PLCE1: variants seen among roughly 807,000 people sequenced by gnomAD.
PLCE1 encodes phospholipase C epsilon 1, also known as 1-phosphatidylinositol 4,5-bisphosphate phosphodiesterase epsilon-1.
In PLCE1, 119 loss-of-function variants were observed where a neutral mutation model predicts 242.8. The observed-to-expected ratio is 0.49, with a 90% CI of 0.42 to 0.57. The LOEUF is 0.57. PLCE1 is among the 20% of genes least tolerant of loss of function. PLCE1 has a pLI of 0.00. For missense variants in PLCE1, 2,441 were observed against 2,788.8 expected, an observed-to-expected ratio of 0.88 and a Z score of 2.81; for synonymous variants, 945 against 1,017.4, an observed-to-expected ratio of 0.93 and a Z score of 1.35.
intron 22 of PLCE1, 110 bp from the exon 23 acceptor site, chr10:94,293,398 A>G: frequency 1.7e-6 from 2 of 1,205,374 alleles, no homozygotes; most frequent in Middle Eastern, 2.0e-4. Context: ...TTTCTGTACT[A>G]GGTTCCAAGG....
intron 2 of PLCE1, chr10:94,089,211 C>T (rs753587425): frequency 6.2e-7 from 1 of 1,614,046 alleles, no homozygotes; most frequent in Non-Finnish European, 8.5e-7. Context: ...GGTTTCTGTG[C>T]AGCCTCTTAG....
intron 4 of PLCE1, among the ~76,000 whole-genome samples, chr10:94,185,312 G>A (rs2048439146): frequency 6.6e-6 from 1 of 152,172 alleles, no homozygotes; most frequent in Non-Finnish European, 1.5e-5. Flanking sequence ...CTGGCTAATA[G>A]GGTGAAACCC....
chr10:94,077,396 T>G (rs981954587), intron 2 of PLCE1, among the ~76,000 whole-genome samples: 1 of 152,232 alleles, frequency 6.6e-6, no homozygotes, highest in Non-Finnish European at 1.5e-5. Flanking sequence ...CTAGGTAACC[T>G]CATTCTTTGC....
chr10:94,014,652 C>T (rs2061243015), intron 1 of PLCE1, among the ~76,000 whole-genome samples: 1 of 152,194 alleles, frequency 6.6e-6, no homozygotes, highest in South Asian at 2.1e-4. Flanking sequence ...AACTTCCTGC[C>T]ATTTTTAAAG....
intron 2 of PLCE1, among the ~76,000 whole-genome samples, chr10:94,114,279 A>G (rs1355230107): frequency 3.3e-5 from 5 of 152,146 alleles, no homozygotes; most frequent in Non-Finnish European, 7.4e-5. Flanking sequence ...AGTGGAGCAA[A>G]TTGGGCTCCC....
intron 3 of PLCE1, among the ~76,000 whole-genome samples, chr10:94,162,962 G>T (rs1230764304): frequency 1.3e-5 from 2 of 152,130 alleles, no homozygotes; most frequent in Non-Finnish European, 2.9e-5. Flanking sequence ...GTAGTTGAGT[G>T]GTTTTGAGTG....
At chr10:93,995,230 A>C (rs2060798283) in intron 1 of PLCE1, among the ~76,000 whole-genome samples, 1 of 152,182 alleles carries the variant, frequency 6.6e-6, no homozygotes, top group Admixed American at 6.5e-5. Flanking sequence ...GACTATCTCT[A>C]GGTTATTGTA....
chr10:94,192,195 A>C (rs1478722660), intron 4 of PLCE1, among the ~76,000 whole-genome samples: 1 of 152,106 alleles, frequency 6.6e-6, no homozygotes, highest in African/African-American at 2.4e-5. Context: ...TATAATTTCA[A>C]CTTTTATTTT....
chr10:94,161,665 T>C (rs2047618218), intron 3 of PLCE1, among the ~76,000 whole-genome samples: 1 of 152,216 alleles, frequency 6.6e-6, no homozygotes, highest in Non-Finnish European at 1.5e-5. Context: ...CCTGTCTGAT[T>C]ACCCTGGCCA....
At position 94,246,178 on chromosome 10, in the gene PLCE1, C is replaced by T; in HGVS notation, c.2653C>T (p.Gln885Ter). 6.2e-7 allele frequency: 1 copy of T among 1,614,154 alleles called. No homozygotes were observed. The highest frequency in any genetic ancestry group is 8.5e-7 in the Non-Finnish European group (1 of 1,180,008). The change falls in exon 8 of 33, where the codon CAG becomes TAG. Residue 885 changes from glutamine to a stop codon, truncating the protein, a stop_gained. Coordinates refer to ENST00000371380, the MANE Select transcript of PLCE1 (RefSeq NM_016341.4). LOFTEE classifies it high-confidence loss of function. ...CTCTGCCCGCTGCTTCCTCCAGCTT[C>T]AGCCCGACAATAGCACCTTGACCTG... ...HLSARCFLQL[Q>*]PDNSTLTWVK...
chr10:94,331,062 G>A lies in PLCE1; in HGVS notation c.*3119G>A, dbSNP rs551848496. On this transcript the variant is annotated 3_prime_UTR_variant, in exon 33 of 33. Coordinates refer to ENST00000371380, the MANE Select transcript of PLCE1 (RefSeq NM_016341.4). ...AATCTGTAGGAATGATCCTATCTGG[G>A]TAGAAAGTGCCCTTTGAGGGGTAAA... The A allele has an allele frequency of 6.6e-6, 1 of 152,304 alleles. No individual in the cohort carries two copies. Among genetic ancestry groups the A allele is most frequent in the South Asian group, 2.1e-4 (1 of 4,826 alleles). 9.4% of individuals were successfully genotyped at this position (152,304 alleles called of 1,614,324 possible). A position where few individuals can be genotyped will look rare whatever the true frequency, so the allele number is the denominator to read the frequency against.
chr10:93,995,533 G>A (rs2060804235), intron 1 of PLCE1, among the ~76,000 whole-genome samples: 1 of 152,178 alleles, frequency 6.6e-6, no homozygotes, highest in South Asian at 2.1e-4. Context: ...ATGGCAAAAT[G>A]CTTGCACCTA....
In PLCE1 at chr10:94,084,668, G is replaced by T. The variant is rs192370280; in HGVS notation, c.1207-47506G>T. Among the ~76,000 whole-genome samples, 12 of 152,284 alleles carry T rather than the reference G, an allele frequency of 7.9e-5. No homozygotes were observed. The East Asian group carries it at 2.3e-3, about 29-fold the overall frequency. On this transcript the variant is annotated intron_variant, in intron 2 of 32. Coordinates refer to ENST00000371380, the MANE Select transcript of PLCE1 (RefSeq NM_016341.4). ...TCTTGTCTGGTGTCCATACATCCCA[G>T]CTTTAAATTCCTCTTAAAATTTGGA... is the stretch of plus-strand genomic sequence containing the variant.
At chr10:94,206,043 AAT>A (rs2049147826) in intron 4 of PLCE1, among the ~76,000 whole-genome samples, 1 of 152,354 alleles carries the variant, frequency 6.6e-6, no homozygotes, top group South Asian at 2.1e-4. Flanking sequence ...AAATAAGATA[AAT>A]ATACCCTATG....
intron 14 of PLCE1, 132 bp downstream of exon 14, chr10:94,262,864 T>A: frequency 1.3e-6 from 1 of 774,974 alleles, no homozygotes; most frequent in Non-Finnish European, 2.2e-6. Flanking sequence ...CAGTTTTGTT[T>A]TTTTTTTTGT....
chr10:94,206,734 G>A (rs1252253368), intron 4 of PLCE1, among the ~76,000 whole-genome samples: 1 of 152,212 alleles, frequency 6.6e-6, no homozygotes, highest in Non-Finnish European at 1.5e-5. Flanking sequence ...TTGACATGCT[G>A]CTCTGAGGAG....
chr10:94,089,023 A>G, intron 2 of PLCE1: 2 of 1,533,200 alleles, frequency 1.3e-6, no homozygotes, highest in Non-Finnish European at 1.8e-6. Context: ...GTAAACACTC[A>G]TCACCCTGCA....
At chr10:94,258,426 A>G (rs1257466762) in intron 11 of PLCE1, among the ~76,000 whole-genome samples, 3 of 152,224 alleles carry the variant, frequency 2.0e-5, no homozygotes, top group Non-Finnish European at 4.4e-5. Context: ...AAGAACGTGC[A>G]TTATTTCCCA....
At position 94,298,436 on chromosome 10, in the gene PLCE1, C is replaced by A; in HGVS notation, c.5225C>A (p.Thr1742Asn). ...GAATCTTCTTCCCCTCTCAACCCAA[C>A]CACGTCCCTCAGTGCTATCATTAGA... ...WEESSSPLNPTTSLSAIIRTP... is the reference protein window; with the variant it reads ...WEESSSPLNPNTSLSAIIRTP... The change falls in exon 24 of 33, where the codon ACC becomes AAC. Residue 1742 changes from threonine to asparagine, a missense_variant. By Grantham distance (65) the Thr-to-Asn change is moderately conservative. This residue lies in a region of PLCE1 where 1,004 missense variants were observed against 1,322.7 expected (regional missense o/e 0.76). Coordinates refer to ENST00000371380, the MANE Select transcript of PLCE1 (RefSeq NM_016341.4). The surrounding 1 kb of genome is among the most constrained non-coding windows in gnomAD (Gnocchi z 5.2). 1 of 1,614,108 alleles carries A rather than the reference C, an allele frequency of 6.2e-7. No homozygotes were observed.
Sources: allele counts gnomAD v4.1 joint callset (sites outside exome capture counted in the v4.1 genomes callset), GRCh38; gene constraint gnomAD v4.1.1; regional missense constraint gnomAD v4.1.1; non-coding constraint Gnocchi (gnomAD v3.1); transcripts MANE v1.5; gene names NCBI Gene and HGNC (gene_info 2026-07-23, HGNC 2026-07-21).